SPSB4: variants seen among roughly 807,000 people sequenced by gnomAD.
SPSB4 encodes SPRY domain-containing SOCS box protein 4.
Under a neutral mutation model 20.9 loss-of-function variants are expected in SPSB4, and 21 were observed. The ratio of observed to expected loss-of-function variants is 1.01; its 90% CI spans 0.71 to 1.45. The LOEUF is 1.45. SPSB4 is among the 40% of genes most tolerant of loss of function. The pLI is 0.00. For missense variants in SPSB4, 399 were observed against 399.2 expected (o/e 1.00, Z 0.00); for synonymous variants, 207 against 183.8 (o/e 1.13, Z -1.02).
At chr3:141,121,866 T>G (rs1938972931) in intron 2 of SPSB4, among the ~76,000 whole-genome samples, 3 of 152,206 alleles carry the variant, frequency 2.0e-5, no homozygotes, top group Non-Finnish European at 4.4e-5. Flanking sequence ...AACACGCTCC[T>G]TTAGCTCGGA....
intron 2 of SPSB4, among the ~76,000 whole-genome samples, chr3:141,095,203 C>T (rs373380135): frequency 2.4e-4 from 37 of 152,208 alleles, no homozygotes; most frequent in African/African-American, 8.7e-4. Flanking sequence ...CGGGTGATGC[C>T]GCAGCCCTCC....
intron 2 of SPSB4, among the ~76,000 whole-genome samples, chr3:141,114,459 T>C (rs1002472089): frequency 6.6e-6 from 1 of 152,258 alleles, no homozygotes; most frequent in Non-Finnish European, 1.5e-5. Flanking sequence ...CTCTGCAATA[T>C]TGTGCTAGAA....
At chr3:141,110,705 C>T (rs960347987) in intron 2 of SPSB4, among the ~76,000 whole-genome samples, 3 of 152,252 alleles carry the variant, frequency 2.0e-5, no homozygotes, top group Non-Finnish European at 2.9e-5. Flanking sequence ...AAAATTCACA[C>T]TGGCTCCTAA....
intron 2 of SPSB4, among the ~76,000 whole-genome samples, chr3:141,139,256 C>G (rs201510852): frequency 6.6e-6 from 1 of 152,012 alleles, no homozygotes; most frequent in African/African-American, 2.4e-5. Flanking sequence ...GTTTCCTGAA[C>G]ACAGCACACT....
intron 2 of SPSB4, among the ~76,000 whole-genome samples, chr3:141,113,480 C>A (rs1180548467): frequency 6.6e-6 from 1 of 152,200 alleles, no homozygotes; most frequent in East Asian, 1.9e-4. Context: ...CATTCGGATA[C>A]ATGCTACAAC....
At chr3:141,096,418 G>T (rs1938548628) in intron 2 of SPSB4, among the ~76,000 whole-genome samples, 1 of 152,198 alleles carries the variant, frequency 6.6e-6, no homozygotes, top group Admixed American at 6.5e-5. Flanking sequence ...ATATTGACCA[G>T]TCTCAGAGAA....
At chr3:141,054,428 C>T (rs1318239784) in intron 1 of SPSB4, among the ~76,000 whole-genome samples, 1 of 152,214 alleles carries the variant, frequency 6.6e-6, no homozygotes, top group Non-Finnish European at 1.5e-5. Context: ...AAACCAGCAA[C>T]ACGTTTTTAA....
At chr3:141,067,288 T>C (rs1375123845) in intron 2 of SPSB4, among the ~76,000 whole-genome samples, 1 of 152,220 alleles carries the variant, frequency 6.6e-6, no homozygotes, top group African/African-American at 2.4e-5. Flanking sequence ...CCGTCCTTTA[T>C]TGGCCATCTA....
In SPSB4 at chr3:141,134,026, T is replaced by A. The variant is rs547025820; in HGVS notation, c.695-13116T>A. 7.5e-3 allele frequency among the ~76,000 whole-genome samples: 884 copies of A among 117,510 alleles called. 10 individuals carry two copies. Among genetic ancestry groups the A allele is most frequent in the African/African-American group, 0.035 (850 of 24,556 alleles). 77.1% of individuals were successfully genotyped at this position (117,510 alleles called of 152,430 possible). On this transcript the variant is annotated intron_variant, in intron 2 of 2. Transcript: ENST00000310546. Reference sequence around the variant, plus strand: ...ATTCCTAAGTATTTTTCCTTTTTTTTTTTCTTTTCTTTTTTTTTTTTTCTT... The same window carrying A: ...ATTCCTAAGTATTTTTCCTTTTTTTATTTCTTTTCTTTTTTTTTTTTTCTT...
intron 1 of SPSB4, among the ~76,000 whole-genome samples, chr3:141,060,470 T>A (rs1015880126): frequency 1.3e-4 from 20 of 152,188 alleles, no homozygotes; most frequent in African/African-American, 4.3e-4. Context: ...CTGGGGTTGA[T>A]CCCAGTCCTG....
At chr3:141,057,809 G>A (rs1322113648) in intron 1 of SPSB4, among the ~76,000 whole-genome samples, 1 of 152,238 alleles carries the variant, frequency 6.6e-6, no homozygotes, top group Non-Finnish European at 1.5e-5. Flanking sequence ...TACAAGTGCA[G>A]TAGTATATAT....
intron 1 of SPSB4, among the ~76,000 whole-genome samples, chr3:141,065,214 C>T (rs1576515600): frequency 6.6e-6 from 1 of 152,160 alleles, no homozygotes; most frequent in East Asian, 1.9e-4. Context: ...TGGACACCGG[C>T]TCCCTTATCC....
intron 2 of SPSB4, among the ~76,000 whole-genome samples, chr3:141,143,402 A>G (rs1203386626): frequency 6.6e-6 from 1 of 152,200 alleles, no homozygotes; most frequent in African/African-American, 2.4e-5. Flanking sequence ...GGGTCTAACC[A>G]TGCAGTGGGG....
intron 2 of SPSB4, among the ~76,000 whole-genome samples, chr3:141,078,511 C>T (rs1454954224): frequency 6.6e-6 from 1 of 152,224 alleles, no homozygotes; most frequent in African/African-American, 2.4e-5. Context: ...AAGGATCAGG[C>T]TCCCAGTATT....
chr3:141,075,134 T>A (rs1472988453), intron 2 of SPSB4, among the ~76,000 whole-genome samples: 1 of 152,084 alleles, frequency 6.6e-6, no homozygotes, highest in Non-Finnish European at 1.5e-5. Context: ...AGTTTCTGAG[T>A]CCGTATTGAA....
intron 2 of SPSB4, among the ~76,000 whole-genome samples, chr3:141,072,001 C>A (rs1938017364): frequency 6.6e-6 from 1 of 152,242 alleles, no homozygotes. Context: ...TCTCGCTAGA[C>A]CCCCGTGCAT....
At chr3:141,124,031 C>T (rs1339997406) in intron 2 of SPSB4, 1 of 152,292 alleles carries the variant, frequency 6.6e-6, no homozygotes, top group African/African-American at 2.4e-5. Context: ...CAGGCTTCTT[C>T]AGTGGACTCA....
intron 2 of SPSB4, among the ~76,000 whole-genome samples, chr3:141,146,886 A>G (rs1268122062): frequency 6.6e-6 from 1 of 152,018 alleles, no homozygotes; most frequent in African/African-American, 2.4e-5. Context: ...TCTTTTTTTA[A>G]AAAAAATTAT....
chr3:141,061,049 G>A (rs774879657), intron 1 of SPSB4, among the ~76,000 whole-genome samples: 4 of 152,154 alleles, frequency 2.6e-5, no homozygotes, highest in Non-Finnish European at 4.4e-5. Context: ...CAGCTACACC[G>A]TTTTGTTATT....
Sources: gnomAD v4.1 joint callset for allele counts (sites outside exome capture counted in the v4.1 genomes callset) on GRCh38, gnomAD v4.1.1 for gene constraint, MANE v1.5 for transcripts, NCBI Gene and HGNC (gene_info 2026-07-23, HGNC 2026-07-21) for gene names.